Variants in DOCK8 observed in about 807,000 individuals in gnomAD.
DOCK8 encodes dedicator of cytokinesis protein 8.
A neutral mutation model predicts 245.6 loss-of-function variants in DOCK8; 141 were observed. That is an observed-to-expected ratio of 0.57 (90% CI 0.50 to 0.66). The LOEUF is 0.66. Among genes scored for constraint, DOCK8 ranks in the 30% least tolerant of loss-of-function variants. DOCK8 has a pLI of 0.00. For missense variants in DOCK8, 2,965 were observed against 2,603.4 expected (o/e 1.14, Z -3.02); for synonymous variants, 1,168 against 970.2 (o/e 1.20, Z -3.79).
intron 36 of DOCK8, among the ~76,000 whole-genome samples, chr9:430,837 C>T (rs1408181790): frequency 6.6e-6 from 1 of 151,972 alleles, no homozygotes; most frequent in African/African-American, 2.4e-5. Flanking sequence ...TTTAAATGAT[C>T]GGTGTCATCT....
intron 1 of DOCK8, among the ~76,000 whole-genome samples, chr9:226,705 AG>A (rs1439209777): frequency 6.6e-6 from 1 of 152,188 alleles, no homozygotes. Context: ...GAGGAGAAGC[AG>A]GCTTTTAGGG....
At chr9:383,393 G>A (rs371457848) in intron 22 of DOCK8, among the ~76,000 whole-genome samples, 93 of 152,232 alleles carry the variant, frequency 6.1e-4, no homozygotes, top group African/African-American at 2.0e-3. Flanking sequence ...TTAGCCAGGC[G>A]TGGTGGCACA....
At chr9:283,220 G>A (rs1443483362) in intron 2 of DOCK8, among the ~76,000 whole-genome samples, 5 of 152,126 alleles carry the variant, frequency 3.3e-5, no homozygotes, top group African/African-American at 7.2e-5. Flanking sequence ...CTCTAGCCTC[G>A]CTTTCTTCAT....
At chr9:353,423 G>GTAT in intron 14 of DOCK8, among the ~76,000 whole-genome samples, 1 of 152,308 alleles carries the variant, frequency 6.6e-6, no homozygotes, top group South Asian at 2.1e-4. Flanking sequence ...GATTATTGAT[G>GTAT]TATTCATTGG....
chr9:400,120 AG>A (rs2054746738), intron 26 of DOCK8, among the ~76,000 whole-genome samples: 3 of 81,196 alleles, frequency 3.7e-5, no homozygotes, highest in African/African-American at 9.9e-5. Context: ...CACCACCACC[AG>A]CATCTTCACC....
intron 46 of DOCK8, among the ~76,000 whole-genome samples, chr9:453,481 C>G (rs1265753449): frequency 2.6e-5 from 4 of 152,242 alleles, no homozygotes; most frequent in African/African-American, 9.6e-5. Flanking sequence ...GGCTGGAGTA[C>G]AGTGGCATAA....
chr9:400,827 T>TCACCACCACCTCCACCAC (rs2054959026), intron 26 of DOCK8, among the ~76,000 whole-genome samples: 1 of 3,096 alleles, frequency 3.2e-4, no homozygotes, highest in African/African-American at 2.5e-3. Flanking sequence ...ACCTCCACCA[T>TCACCACCACCTCCACCAC]CACCATCACC....
intron 14 of DOCK8, among the ~76,000 whole-genome samples, chr9:358,805 C>T (rs893908774): frequency 5.9e-5 from 9 of 152,118 alleles, no homozygotes; most frequent in African/African-American, 1.2e-4. Context: ...ACTGAGATCA[C>T]GCCATTGCAC....
Position 296,208 on chromosome 9 carries a change from C to G in DOCK8, c.404+6627C>G, listed in dbSNP as rs181491428. ...CGCCATGTTTGCTTGTTTGTCCAAC[C>G]TTTTATCTGCATATTTTGATAATGT... is the stretch of plus-strand genomic sequence containing the variant. On this transcript the variant is annotated intron_variant, in intron 4 of 47. Transcript: ENST00000432829. Among the ~76,000 whole-genome samples the G allele has an allele frequency of 5.4e-3, 817 of 152,232 alleles. 8 individuals are homozygous for G. Among genetic ancestry groups the G allele is most frequent in the African/African-American group, 0.019 (786 of 41,536 alleles).
intron 14 of DOCK8, among the ~76,000 whole-genome samples, chr9:363,588 C>A (rs1449809677): frequency 1.3e-5 from 2 of 152,172 alleles, no homozygotes; most frequent in African/African-American, 4.8e-5. Flanking sequence ...AATATGATGA[C>A]CCTTAGGAAA....
intron 14 of DOCK8, among the ~76,000 whole-genome samples, chr9:356,423 C>A (rs200846813): frequency 6.6e-6 from 1 of 151,056 alleles, no homozygotes; most frequent in Non-Finnish European, 1.5e-5. Flanking sequence ...CCAGCTACTC[C>A]GGAGGCTGAG....
At chr9:266,645 A>T (rs1040518556) in intron 1 of DOCK8, among the ~76,000 whole-genome samples, 1 of 152,146 alleles carries the variant, frequency 6.6e-6, no homozygotes, top group African/African-American at 2.4e-5. Flanking sequence ...TCCCAATTGT[A>T]TATCATAATT....
chr9:317,295 A>AT (rs1160894982), intron 7 of DOCK8, among the ~76,000 whole-genome samples, 167 bp downstream of exon 7: 2 of 152,060 alleles, frequency 1.3e-5, no homozygotes, highest in Non-Finnish European at 2.9e-5. Flanking sequence ...CCATTCCTGG[A>AT]TTTTTTTTCT....
intron 16 of DOCK8, 138 bp downstream of exon 16, chr9:370,438 C>T (rs574396764): frequency 3.9e-6 from 3 of 764,356 alleles, no homozygotes; most frequent in African/African-American, 1.7e-5. Flanking sequence ...ATGCCAGTTC[C>T]GTGACTCTGT....
At position 418,121 on chromosome 9, in the gene DOCK8, G is replaced by C. The variant is rs142495501; in HGVS notation, c.3754G>C (p.Ala1252Pro). 25 of 1,614,112 alleles carry C rather than the reference G, an allele frequency of 1.5e-5. No homozygotes were observed. The African/African-American group carries it at 3.2e-4, about 21-fold the overall frequency. Residue 1252 changes from alanine to proline, a missense_variant, in exon 30 of 48, where the codon GCC becomes CCC. By Grantham distance (27) the Ala-to-Pro change is conservative. Transcript: ENST00000432829. The part of the protein sequence containing the change: ...TSGSDEEQEG[A>P]GAINQNVALA... ...TGGCTCGGATGAAGAACAAGAAGGAGCCGGTGCCATTAACCAGAATGTGGC... is the reference window on the plus strand; with the variant it reads ...TGGCTCGGATGAAGAACAAGAAGGACCCGGTGCCATTAACCAGAATGTGGC...
chr9:323,417 T>G (rs553929706), intron 7 of DOCK8, among the ~76,000 whole-genome samples: 1 of 151,990 alleles, frequency 6.6e-6, no homozygotes, highest in East Asian at 2.0e-4. Flanking sequence ...GAGACAGGGT[T>G]TCACCGTGTT....
intron 6 of DOCK8, chr9:312,560 T>C: frequency 2.6e-6 from 1 of 378,504 alleles, no homozygotes; most frequent in Non-Finnish European, 5.1e-6. Flanking sequence ...TGATGTTCTT[T>C]AGTGCTTTGT....
chr9:382,578 G>T lies in DOCK8; in HGVS notation c.2671G>T (p.Val891Leu), dbSNP rs902287424. 6.2e-7 allele frequency: 1 copy of T among 1,614,174 alleles called. No individual in the cohort carries two copies. The highest frequency in any genetic ancestry group is 1.1e-5 in the South Asian group (1 of 91,076). Residue 891 changes from valine (V) to leucine (L), a missense_variant, in exon 22 of 48, where the codon GTG becomes TTG. Physicochemically the swap from Val to Leu is conservative, Grantham distance 32. This residue lies in a region of DOCK8 where 2,825 missense variants were observed against 2,453.5 expected (regional missense o/e 1.15). Coordinates refer to ENST00000432829, the MANE Select transcript of DOCK8 (RefSeq NM_203447.4). The part of the protein sequence containing the change: ...HTYGRTSAAA[V>L]SSKLLQARVM... Reference sequence around the variant, plus strand: ...GTATGGCCGCACATCAGCTGCTGCTGTGAGTTCAAAGCTGCTGCAGGCCCG... The same window carrying T: ...GTATGGCCGCACATCAGCTGCTGCTTTGAGTTCAAAGCTGCTGCAGGCCCG...
intron 43 of DOCK8, among the ~76,000 whole-genome samples, chr9:446,117 T>G (rs1252068964): frequency 1.3e-5 from 2 of 152,276 alleles, no homozygotes; most frequent in African/African-American, 2.4e-5. Flanking sequence ...CAGTTTGCTC[T>G]GCTAGGAAGG....
Sources: gnomAD v4.1 joint callset for allele counts (sites outside exome capture counted in the v4.1 genomes callset) on GRCh38, gnomAD v4.1.1 for gene constraint, gnomAD v4.1.1 regional missense constraint, MANE v1.5 for transcripts, NCBI Gene and HGNC (gene_info 2026-07-23, HGNC 2026-07-21) for gene names.